Variants in CADM1 observed in about 807,000 individuals in gnomAD.
CADM1 encodes cell adhesion molecule 1, also known as TSLC-1.
Under a neutral mutation model 53.1 loss-of-function variants are expected in CADM1, and 15 were observed. The observed-to-expected ratio is 0.28, with a 90% CI of 0.19 to 0.44. The LOEUF is 0.44. Among genes scored for constraint, CADM1 ranks in the 20% least tolerant of loss-of-function variants. The pLI, the probability that CADM1 is intolerant of heterozygous loss-of-function variation, is 1.00. For missense variants in CADM1, 434 were observed against 611.3 expected, an observed-to-expected ratio of 0.71 and a Z score of 3.06; for synonymous variants, 281 against 243.0, an observed-to-expected ratio of 1.16 and a Z score of -1.45.
chr11:115,313,479 GA>G, intron 1 of CADM1, among the ~76,000 whole-genome samples: 1 of 152,202 alleles, frequency 6.6e-6, no homozygotes, highest in South Asian at 2.1e-4. Context: ...CTAAAGGGGG[GA>G]AATTATCATA....
At chr11:115,393,427 A>G (rs1355923319) in intron 1 of CADM1, among the ~76,000 whole-genome samples, 1 of 151,922 alleles carries the variant, frequency 6.6e-6, no homozygotes, top group African/African-American at 2.4e-5. Flanking sequence ...TTCACAGAAG[A>G]CTGAAGGAAA....
intron 5 of CADM1, among the ~76,000 whole-genome samples, chr11:115,221,754 C>A (rs962153158): frequency 2.0e-5 from 3 of 152,122 alleles, no homozygotes; most frequent in Admixed American, 6.6e-5. Flanking sequence ...GAAAAAGGTA[C>A]TTTGCAGTTT....
chr11:115,460,787 A>G (rs946241967), intron 1 of CADM1, among the ~76,000 whole-genome samples: 2 of 152,128 alleles, frequency 1.3e-5, no homozygotes, highest in African/African-American at 2.4e-5. Flanking sequence ...AAGAAAGAAA[A>G]AAAAAAACAC....
intron 1 of CADM1, among the ~76,000 whole-genome samples, chr11:115,241,182 T>C (rs2134917003): frequency 6.6e-6 from 1 of 152,332 alleles, no homozygotes; most frequent in African/African-American, 2.4e-5. Flanking sequence ...TCTTCAGATC[T>C]GCCCTAGTTT....
chr11:115,366,405 C>A (rs1946158344), intron 1 of CADM1, among the ~76,000 whole-genome samples: 1 of 152,150 alleles, frequency 6.6e-6, no homozygotes. Context: ...ACAGGCAGTG[C>A]ATTTTACACA....
At chr11:115,373,844 C>T (rs1016156774) in intron 1 of CADM1, among the ~76,000 whole-genome samples, 1 of 152,140 alleles carries the variant, frequency 6.6e-6, no homozygotes, top group Non-Finnish European at 1.5e-5. Context: ...GTTTAAGAAT[C>T]TCCAATGCTG....
intron 8 of CADM1, 103 bp downstream of exon 8, chr11:115,209,470 AT>A (rs2134733489): frequency 1.3e-6 from 2 of 1,538,846 alleles, no homozygotes; most frequent in East Asian, 4.5e-5. Flanking sequence ...TAAAGGAACG[AT>A]TAAATTCCAA....
chr11:115,271,504 G>T lies in CADM1; in HGVS notation c.125-31084C>A, dbSNP rs546896715. On this transcript the variant is annotated intron_variant, in intron 1 of 11. Transcript: ENST00000331581. The stretch of plus-strand genomic sequence containing the variant: ...TCACCGTGTTAGCCAGGATGGTCTC[G>T]ATCTCCCGACCTTGTGATCCACCCG... Among the ~76,000 whole-genome samples, 3 of 152,236 alleles carry T rather than the reference G, an allele frequency of 2.0e-5. No individual in the cohort carries two copies. In the East Asian group the frequency reaches 5.8e-4, roughly 29 times the overall value.
chr11:115,281,923 GTTCA>G (rs34024755), intron 1 of CADM1, among the ~76,000 whole-genome samples: 26,382 of 151,788 alleles, frequency 0.17, 2,460 homozygotes, highest in South Asian at 0.32. Flanking sequence ...TAAATAACTG[GTTCA>G]TTTTTTGTTA....
chr11:115,372,715 G>C (rs1353414869), intron 1 of CADM1, among the ~76,000 whole-genome samples: 1 of 152,120 alleles, frequency 6.6e-6, no homozygotes, highest in Non-Finnish European at 1.5e-5. Context: ...AAATCAATTA[G>C]AAGCTAAATG....
At chr11:115,279,778 C>A (rs1943539345) in intron 1 of CADM1, among the ~76,000 whole-genome samples, 1 of 152,120 alleles carries the variant, frequency 6.6e-6, no homozygotes, top group African/African-American at 2.4e-5. Context: ...CACACATACC[C>A]AAATATATTA....
intron 1 of CADM1, among the ~76,000 whole-genome samples, chr11:115,319,644 GTTCT>G (rs1944769323): frequency 6.6e-6 from 1 of 152,128 alleles, no homozygotes; most frequent in Non-Finnish European, 1.5e-5. Context: ...ACTGAAGGCA[GTTCT>G]TTGATTCTAA....
intron 1 of CADM1, among the ~76,000 whole-genome samples, chr11:115,502,383 CTA>C (rs926755764): frequency 9.3e-6 from 1 of 107,588 alleles, no homozygotes; most frequent in Non-Finnish European, 1.7e-5. Context: ...ATTGTTGCCT[CTA>C]TTATGCGCCA....
chr11:115,402,903 GA>G (rs1947199357), intron 1 of CADM1, among the ~76,000 whole-genome samples: 1 of 152,166 alleles, frequency 6.6e-6, no homozygotes, highest in East Asian at 1.9e-4. Flanking sequence ...TAACTCACTA[GA>G]GAAATGATGG....
At chr11:115,213,458 G>T (rs1941047834) in intron 7 of CADM1, among the ~76,000 whole-genome samples, 1 of 150,002 alleles carries the variant, frequency 6.7e-6, no homozygotes, top group Non-Finnish European at 1.5e-5. Context: ...AAGGTGATTA[G>T]ATGTGATCTT....
chr11:115,430,041 CA>C (rs35153632), intron 1 of CADM1, among the ~76,000 whole-genome samples: 68,956 of 149,840 alleles, frequency 0.46, 17,034 homozygotes, highest in African/African-American at 0.61. Context: ...AATTAAATGT[CA>C]AAAAAAAAAT....
intron 1 of CADM1, among the ~76,000 whole-genome samples, chr11:115,356,898 A>G (rs1387519766): frequency 6.6e-6 from 1 of 152,232 alleles, no homozygotes; most frequent in South Asian, 2.1e-4. Context: ...TTTGTATTCT[A>G]CAATTCTTAT....
intron 1 of CADM1, among the ~76,000 whole-genome samples, chr11:115,388,199 G>A (rs1239085689): frequency 6.6e-6 from 1 of 152,164 alleles, no homozygotes. Context: ...CTGACAGACA[G>A]GCAGACAGAC....
At chr11:115,299,456 A>G (rs1441563277) in intron 1 of CADM1, among the ~76,000 whole-genome samples, 4 of 152,142 alleles carry the variant, frequency 2.6e-5, no homozygotes, top group African/African-American at 9.7e-5. Flanking sequence ...TAAAGATTAA[A>G]CATCAGTAAC....
Sources: gnomAD v4.1 joint callset for allele counts (sites outside exome capture counted in the v4.1 genomes callset) on GRCh38, gnomAD v4.1.1 for gene constraint, MANE v1.5 for transcripts, NCBI Gene and HGNC (gene_info 2026-07-23, HGNC 2026-07-21) for gene names.